Variants in ATRNL1 observed in about 807,000 individuals in gnomAD.
ATRNL1 encodes the protein attractin-like protein 1.
A neutral mutation model predicts 182.7 loss-of-function variants in ATRNL1; 95 were observed. The ratio of observed to expected loss-of-function variants is 0.52; its 90% confidence interval spans 0.44 to 0.62. The LOEUF (loss-of-function observed/expected upper bound fraction) is 0.62, where lower values mean the gene tolerates loss of function less well. Ranked by LOEUF, ATRNL1 falls within the 20% of genes least tolerant of loss-of-function variation. The pLI, the probability that ATRNL1 is intolerant of heterozygous loss-of-function variation, is 0.00. For missense variants in ATRNL1, 1,471 were observed against 1,679.5 expected (o/e 0.88, Z 2.17); for synonymous variants, 576 against 568.3 (o/e 1.01, Z -0.19).
At chr10:115,747,268 T>G (rs2860341) in intron 27 of ATRNL1, among the ~76,000 whole-genome samples, 31,325 of 152,058 alleles carry the variant, frequency 0.21, 3,321 homozygotes, top group African/African-American at 0.23. Flanking sequence ...TGATGATCCT[T>G]TATCTTACAT....
At chr10:115,169,910 G>A (rs1191508947) in intron 7 of ATRNL1, among the ~76,000 whole-genome samples, 2 of 151,944 alleles carry the variant, frequency 1.3e-5, no homozygotes, top group Non-Finnish European at 2.9e-5. Context: ...TTTTGTCAAT[G>A]TAATTATTTT....
chr10:115,105,893 C>T (rs1843988396), intron 1 of ATRNL1, among the ~76,000 whole-genome samples: 1 of 152,176 alleles, frequency 6.6e-6, no homozygotes, highest in African/African-American at 2.4e-5. Flanking sequence ...CTTTGTATGT[C>T]AGTGTGGAAG....
chr10:115,642,258 T>C (rs1342187831), intron 26 of ATRNL1, among the ~76,000 whole-genome samples: 1 of 152,058 alleles, frequency 6.6e-6, no homozygotes, highest in African/African-American at 2.4e-5. Context: ...CTTCCTAACA[T>C]AGGAAACACT....
intron 19 of ATRNL1, among the ~76,000 whole-genome samples, chr10:115,365,957 A>G (rs372548782): frequency 0.013 from 2,053 of 152,136 alleles, 39 homozygotes; most frequent in African/African-American, 0.043. Flanking sequence ...GGTCAATTTT[A>G]GAATAGGTGT....
intron 26 of ATRNL1, among the ~76,000 whole-genome samples, chr10:115,550,091 A>C (rs1852880232): frequency 6.6e-6 from 1 of 151,846 alleles, no homozygotes. Flanking sequence ...TGATGAAAAC[A>C]ATAATATTCT....
chr10:115,389,540 GTATATA>G (rs58155967), intron 19 of ATRNL1, among the ~76,000 whole-genome samples: 4,788 of 43,902 alleles, frequency 0.11, 488 homozygotes, highest in African/African-American at 0.15. Flanking sequence ...ATGTGTATGT[GTATATA>G]TATATATATA....
chr10:115,559,329 A>G (rs1554998313), intron 26 of ATRNL1, among the ~76,000 whole-genome samples: 1 of 152,206 alleles, frequency 6.6e-6, no homozygotes, highest in Non-Finnish European at 1.5e-5. Context: ...CAACAAGCAC[A>G]TCTAGCACCC....
intron 17 of ATRNL1, among the ~76,000 whole-genome samples, chr10:115,309,063 TGTAA>T (rs1349598295): frequency 2.0e-5 from 3 of 152,160 alleles, no homozygotes; most frequent in African/African-American, 7.2e-5. Flanking sequence ...ATCAGTTGGT[TGTAA>T]GTATTTGGCT....
chr10:115,389,570 A>ATATATATATATG (rs1564990082), intron 19 of ATRNL1, among the ~76,000 whole-genome samples: 2 of 115,986 alleles, frequency 1.7e-5, no homozygotes, highest in Non-Finnish European at 3.7e-5. Context: ...ATATATATAT[A>ATATATATATATG]TATATATATA....
intron 8 of ATRNL1, among the ~76,000 whole-genome samples, chr10:115,200,781 T>C (rs1848539588): frequency 4.1e-5 from 6 of 144,946 alleles, no homozygotes; most frequent in African/African-American, 1.3e-4. Context: ...TTTCTAGTTC[T>C]AGATCCCTGA....
At chr10:115,131,276 A>G (rs1554875095) in intron 5 of ATRNL1, among the ~76,000 whole-genome samples, 1 of 152,058 alleles carries the variant, frequency 6.6e-6, no homozygotes, top group Non-Finnish European at 1.5e-5. Context: ...CTACATATAT[A>G]TTTTATATGG....
At chr10:115,171,313 A>G in intron 8 of ATRNL1, 21 bp downstream of exon 8, 1 of 1,520,944 alleles carries the variant, frequency 6.6e-7, no homozygotes, top group South Asian at 1.3e-5. Context: ...TAAAAATTGT[A>G]ATTTCTTTAT....
At chr10:115,118,106 C>A (rs895745937) in intron 1 of ATRNL1, among the ~76,000 whole-genome samples, 3 of 152,054 alleles carry the variant, frequency 2.0e-5, no homozygotes. Context: ...GGTTATTAAT[C>A]CTTTGTCAGA....
chr10:115,386,885 A>G (rs1281086776), intron 19 of ATRNL1, among the ~76,000 whole-genome samples: 13 of 137,486 alleles, frequency 9.5e-5, no homozygotes, highest in African/African-American at 2.7e-4. Flanking sequence ...TCATTGTTCA[A>G]TTCCCACCTA....
chr10:115,654,112 A>C (rs1284572706), intron 26 of ATRNL1, among the ~76,000 whole-genome samples: 1 of 152,188 alleles, frequency 6.6e-6, no homozygotes, highest in Non-Finnish European at 1.5e-5. Flanking sequence ...GCAGTCTGAA[A>C]TATTCATTAT....
At chr10:115,536,488 G>T (rs1179820215) in intron 25 of ATRNL1, among the ~76,000 whole-genome samples, 1 of 152,222 alleles carries the variant, frequency 6.6e-6, no homozygotes, top group African/African-American at 2.4e-5. Context: ...GGGTGGGCTT[G>T]ACCTGATTTT....
intron 18 of ATRNL1, among the ~76,000 whole-genome samples, chr10:115,320,614 T>C (rs1362149466): frequency 6.6e-6 from 1 of 152,208 alleles, no homozygotes; most frequent in Non-Finnish European, 1.5e-5. Context: ...TCTTTAGTCT[T>C]GTCTGCATGC....
intron 14 of ATRNL1, among the ~76,000 whole-genome samples, chr10:115,285,995 G>C (rs551734628): frequency 6.6e-6 from 1 of 152,078 alleles, no homozygotes; most frequent in South Asian, 2.1e-4. Context: ...AGATGTCATA[G>C]AGCCATAATT....
At chr10:115,659,808 T>G (rs1316385617) in intron 26 of ATRNL1, among the ~76,000 whole-genome samples, 1 of 152,088 alleles carries the variant, frequency 6.6e-6, no homozygotes, top group Non-Finnish European at 1.5e-5. Flanking sequence ...AAGGGAATGT[T>G]CCAGCTCAAG....
Sources: gnomAD v4.1 joint callset for allele counts (sites outside exome capture counted in the v4.1 genomes callset) on GRCh38, gnomAD v4.1.1 for gene constraint, MANE v1.5 for transcripts, NCBI Gene and HGNC (gene_info 2026-07-23, HGNC 2026-07-21) for gene names.